TP53BP1: variants seen among roughly 807,000 people sequenced by gnomAD.
The protein encoded by TP53BP1 is tumor protein p53 binding protein 1, also known as TP53-binding protein 1.
TP53BP1 carries 61 observed loss-of-function variants against 200.8 expected under a neutral mutation model. The observed-to-expected ratio is 0.30, with a 90% CI of 0.25 to 0.38. The LOEUF is 0.38. Among genes scored for constraint, TP53BP1 ranks in the 10% least tolerant of loss-of-function variants. The probability of loss-of-function intolerance (pLI) is 1.00; values close to 1 mark genes in which losing one functional copy is unlikely to be tolerated. For synonymous variants in TP53BP1, 822 were observed against 844.3 expected (o/e 0.97, Z 0.46); for missense variants, 2,144 against 2,371.9 (o/e 0.90, Z 2.00).
At chr15:43,476,362 T>C (rs1239439107) in intron 8 of TP53BP1, among the ~76,000 whole-genome samples, 1 of 152,238 alleles carries the variant, frequency 6.6e-6, no homozygotes, top group Non-Finnish European at 1.5e-5. Context: ...AAACAGCAAA[T>C]GAGCCTTTTA....
Position 43,482,259 on chromosome 15 carries a change from C to G in TP53BP1, c.372-1237G>C, listed in dbSNP as rs540994911. 1.2e-3 allele frequency among the ~76,000 whole-genome samples: 178 copies of G among 152,098 alleles called. 1 individual carries two copies. The South Asian group carries it at 0.017, about 15-fold the overall frequency. ...ACAACAACAACAACAACAACAACAA[C>G]AAGAAACAACCTATAAATTCAGCAT... On this transcript the variant is annotated intron_variant, in intron 4 of 27. Coordinates refer to ENST00000382044, the MANE Select transcript of TP53BP1 (RefSeq NM_001141980.3).
chr15:43,422,104 T>C lies in TP53BP1; in HGVS notation c.3851A>G (p.Glu1284Gly). 1 of 1,614,044 alleles carries C rather than the reference T, an allele frequency of 6.2e-7. No homozygotes were observed. The highest frequency in any genetic ancestry group is 8.5e-7 in the Non-Finnish European group (1 of 1,179,998). ...AACTTCAGTTTCACACTCCTGACAC[T>C]CTACAATTGGCTCTTCAGTCTCCTG... is the stretch of plus-strand genomic sequence containing the variant. ...VTEETEEPIV[E>G]CQECETEVSP... Residue 1284 changes from glutamate (E) to glycine (G), a missense_variant, in exon 19 of 28, where the codon GAG (glutamate) becomes GGG (glycine). Glu to Gly is a moderately conservative substitution (Grantham distance 98). Around this residue, in one of 4 missense-constraint regions of TP53BP1, gnomAD observed 1,700 missense variants for 1,710.3 expected, o/e 0.99. Transcript: ENST00000382044.
At chr15:43,432,813 G>C in intron 16 of TP53BP1, 136 bp from the exon 17 acceptor site, 3 of 939,972 alleles carry the variant, frequency 3.2e-6, no homozygotes, top group Non-Finnish European at 3.1e-6. Context: ...GTAAGGAAGG[G>C]AGAAAGTCAG....
At chr15:43,499,005 A>G (rs930136181) in intron 1 of TP53BP1, among the ~76,000 whole-genome samples, 4 of 151,774 alleles carry the variant, frequency 2.6e-5, no homozygotes, top group African/African-American at 9.7e-5. Context: ...TTTGCAAATT[A>G]AAAACAACAA....
At chr15:43,424,683 G>A (rs1428575260) in intron 18 of TP53BP1, among the ~76,000 whole-genome samples, 1 of 152,246 alleles carries the variant, frequency 6.6e-6, no homozygotes, top group African/African-American at 2.4e-5. Flanking sequence ...AGTTTGGGAA[G>A]TGCTGGGTTA....
intron 1 of TP53BP1, 74 bp from the exon 2 acceptor site, chr15:43,492,542 G>T: frequency 8.1e-7 from 1 of 1,235,960 alleles, no homozygotes; most frequent in Non-Finnish European, 1.1e-6. Flanking sequence ...CCTAAATAAT[G>T]GGGCGGAAGT....
chr15:43,501,823 C>T (rs1350409980), intron 1 of TP53BP1, among the ~76,000 whole-genome samples: 1 of 152,198 alleles, frequency 6.6e-6, no homozygotes, highest in African/African-American at 2.4e-5. Flanking sequence ...TTGTATGCAA[C>T]ACAACTTGTT....
At chr15:43,468,243 G>C (rs71476434) in intron 11 of TP53BP1, among the ~76,000 whole-genome samples, 42 of 151,968 alleles carry the variant, frequency 2.8e-4, no homozygotes, top group Admixed American at 9.2e-4. Context: ...ATATAACTTA[G>C]AAAAATAAAA....
chr15:43,506,320 T>G (rs2079236648), intron 1 of TP53BP1, among the ~76,000 whole-genome samples: 1 of 152,232 alleles, frequency 6.6e-6, no homozygotes, highest in East Asian at 1.9e-4. Flanking sequence ...CCCACTTTGT[T>G]AAGAGTGTGC....
chr15:43,443,041 G>C (rs1466832813), intron 14 of TP53BP1, among the ~76,000 whole-genome samples: 1 of 151,362 alleles, frequency 6.6e-6, no homozygotes, highest in East Asian at 1.9e-4. Context: ...GGCCAGGCTG[G>C]TCTCGAACTC....
chr15:43,481,742 G>A (rs193105142), intron 4 of TP53BP1, among the ~76,000 whole-genome samples: 3 of 151,320 alleles, frequency 2.0e-5, no homozygotes, highest in Admixed American at 6.6e-5. Context: ...TCGAACCCAG[G>A]AGGCGGAGGT....
In TP53BP1 at chr15:43,422,043, C is replaced by T. The variant is rs1437963502; in HGVS notation, c.3912G>A (p.Leu1304=). The T allele has an allele frequency of 6.2e-7, 1 of 1,614,218 alleles. No individual in the cohort carries two copies. Among genetic ancestry groups the T allele is most frequent in the African/African-American group, 1.3e-5 (1 of 75,048 alleles). ...PSQTGGSSGD[L]GDISSFSSKA... ...TGGAGGAGAAGGAGCTGATATCCCCCAGGTCACCTGAGGAGCCCCCAGTCT... is the reference window on the plus strand; with the variant it reads ...TGGAGGAGAAGGAGCTGATATCCCCTAGGTCACCTGAGGAGCCCCCAGTCT... Residue 1304 remains leucine (L), a synonymous_variant, in exon 19 of 28, where the codon CTG becomes CTA. Coordinates refer to ENST00000382044, the MANE Select transcript of TP53BP1 (RefSeq NM_001141980.3).
intron 7 of TP53BP1, among the ~76,000 whole-genome samples, chr15:43,478,931 C>A (rs1430409776): frequency 2.6e-5 from 4 of 152,314 alleles, no homozygotes; most frequent in African/African-American, 4.8e-5. Context: ...TCATTGCAGG[C>A]TAGGCAGAGT....
rs1410514865 is a variant in TP53BP1, at chr15:43,403,669, T to C, written c.*3714A>G. 3 of 1,593,900 alleles carry C rather than the reference T, an allele frequency of 1.9e-6. No homozygotes were observed. The highest frequency in any genetic ancestry group is 1.3e-5 in the African/African-American group (1 of 74,478). On this transcript the variant is annotated 3_prime_UTR_variant, in exon 28 of 28. Transcript: ENST00000382044. ...TTCCTTCCTTTCCTAATGCCAACTC[T>C]GTTTCCCGGGTAGGTGTTTCACTGC...
rs367638411 is a variant in TP53BP1, at chr15:43,456,375, G to A, written c.2233C>T (p.His745Tyr). ...TCTTCCCAAGCTTCCTGTTCCTTAT[G>A]TTCCAATTCTTGGTCAAGTATTGCC... ...KLAILDQELE[H>Y]KEQEAWEEAT... is the part of the protein sequence containing the mutation. The change falls in exon 12 of 28, where the codon CAT becomes TAT. Residue 745 changes from histidine to tyrosine, a missense_variant. His to Tyr is a moderately conservative substitution (Grantham distance 83). Transcript: ENST00000382044. 3.4e-5 allele frequency: 54 copies of A among 1,607,634 alleles called. No individual in the cohort carries two copies. Among genetic ancestry groups the A allele is most frequent in the Admixed American group, 5.1e-5 (3 of 58,508 alleles).
At chr15:43,462,596 G>A (rs1166246239) in intron 11 of TP53BP1, among the ~76,000 whole-genome samples, 1 of 152,070 alleles carries the variant, frequency 6.6e-6, no homozygotes, top group East Asian at 1.9e-4. Context: ...TATTACAGGT[G>A]TAAGCCACCA....
At chr15:43,430,059 TG>T in intron 17 of TP53BP1, among the ~76,000 whole-genome samples, 1 of 152,278 alleles carries the variant, frequency 6.6e-6, no homozygotes, top group South Asian at 2.1e-4. Context: ...CAGAAAACTA[TG>T]TTTACTCACT....
upstream of TP53BP1, chr15:43,493,157 C>T: frequency 2.6e-6 from 4 of 1,554,196 alleles, no homozygotes; most frequent in Non-Finnish European, 3.5e-6. Flanking sequence ...CCGCGAACTC[C>T]CCCTTTCCCG....
intron 21 of TP53BP1, among the ~76,000 whole-genome samples, chr15:43,419,053 C>T (rs772156696): frequency 6.6e-6 from 1 of 152,134 alleles, no homozygotes; most frequent in Non-Finnish European, 1.5e-5. Context: ...AATGCCATCC[C>T]CACTAAAAAT....
Sources: allele counts gnomAD v4.1 joint callset (sites outside exome capture counted in the v4.1 genomes callset), GRCh38; gene constraint gnomAD v4.1.1; regional missense constraint gnomAD v4.1.1; transcripts MANE v1.5; gene names NCBI Gene and HGNC (gene_info 2026-07-23, HGNC 2026-07-21).